CDH13: variants seen among roughly 807,000 people sequenced by gnomAD.
CDH13 encodes the protein cadherin 13, also known as cadherin-13.
Under a neutral mutation model 63.8 loss-of-function variants are expected in CDH13, and 24 were observed. The ratio of observed to expected loss-of-function variants is 0.38; its 90% CI spans 0.27 to 0.53. The LOEUF (loss-of-function observed/expected upper bound fraction) is 0.53, where lower values mean the gene tolerates loss of function less well. CDH13 is among the 20% of genes least tolerant of loss of function. The pLI is 0.85. For synonymous variants in CDH13, 503 were observed against 355.3 expected (o/e 1.42, Z -4.67); for missense variants, 1,049 against 903.1 (o/e 1.16, Z -2.07).
intron 6 of CDH13, among the ~76,000 whole-genome samples, chr16:83,443,932 TA>T (rs58663882): frequency 0.049 from 6,386 of 129,630 alleles, 453 homozygotes; most frequent in African/African-American, 0.15. Flanking sequence ...AAACCGTTTC[TA>T]AAAAAAAAAA....
In CDH13 at chr16:83,602,658, A is replaced by C. The variant is rs969855362; in HGVS notation, c.1101+64A>C. 3.9e-6 allele frequency: 6 copies of C among 1,529,988 alleles called. No homozygotes were observed. The African/African-American group carries it at 8.2e-5, about 21-fold the overall frequency. 94.8% of individuals were successfully genotyped at this position (1,529,988 alleles called of 1,614,324 possible). The stretch of plus-strand genomic sequence containing the variant: ...ACAGCTACAATTACTGATTGATGTT[A>C]ATTCACGTACCACAGCACCTGCTGG... On this transcript the variant is annotated intron_variant, in intron 8 of 13. Transcript: ENST00000567109.
At chr16:83,345,027 T>G in intron 6 of CDH13, 21 bp downstream of exon 6, 1 of 1,611,490 alleles carries the variant, frequency 6.2e-7, no homozygotes, top group Non-Finnish European at 8.5e-7. Flanking sequence ...TTGGCTTACC[T>G]TTAGCGTAAT....
chr16:82,935,706 C>T (rs1023893562), intron 2 of CDH13, among the ~76,000 whole-genome samples: 1 of 152,136 alleles, frequency 6.6e-6, no homozygotes, highest in African/African-American at 2.4e-5. Flanking sequence ...AGCTCCACCT[C>T]CTGTCAGATT....
chr16:83,401,778 T>G (rs1284998074), intron 6 of CDH13, among the ~76,000 whole-genome samples: 1 of 152,202 alleles, frequency 6.6e-6, no homozygotes, highest in African/African-American at 2.4e-5. Flanking sequence ...AACAAAGAAT[T>G]ATCTCATTTT....
chr16:83,385,409 A>G (rs1173095534), intron 6 of CDH13, among the ~76,000 whole-genome samples: 2 of 152,226 alleles, frequency 1.3e-5, no homozygotes, highest in African/African-American at 2.4e-5. Context: ...CAAGATTGCT[A>G]TAGGCAAGGT....
At chr16:83,014,599 C>T (rs1914500524) in intron 2 of CDH13, among the ~76,000 whole-genome samples, 1 of 150,224 alleles carries the variant, frequency 6.7e-6, no homozygotes, top group East Asian at 2.0e-4. Context: ...CGAGTGGTGG[C>T]CCATGCCTGT....
chr16:83,256,839 C>A (rs1906348400), intron 5 of CDH13, among the ~76,000 whole-genome samples: 2 of 76,992 alleles, frequency 2.6e-5, no homozygotes, highest in Non-Finnish European at 2.7e-5. Flanking sequence ...AGCGAGACTC[C>A]ATCTCAAAAA....
At chr16:83,000,574 C>CTTTTTTTTTTT (rs561787532) in intron 2 of CDH13, among the ~76,000 whole-genome samples, 6 of 127,726 alleles carry the variant, frequency 4.7e-5, no homozygotes, top group African/African-American at 9.0e-5. Flanking sequence ...TTTCTTTTCT[C>CTTTTTTTTTTT]TTTTTTTTTT....
intron 5 of CDH13, among the ~76,000 whole-genome samples, chr16:83,254,291 T>C (rs1003140373): frequency 3.3e-5 from 5 of 152,212 alleles, no homozygotes; most frequent in African/African-American, 1.2e-4. Context: ...CTTAGCATCA[T>C]GATCGTTCCT....
intron 1 of CDH13, among the ~76,000 whole-genome samples, chr16:82,811,910 C>T (rs1394410537): frequency 6.6e-6 from 1 of 151,992 alleles, no homozygotes; most frequent in Non-Finnish European, 1.5e-5. Flanking sequence ...TTGGTTAGGG[C>T]CTGTTGAGTT....
At chr16:82,867,454 A>G (rs892444341) in intron 2 of CDH13, among the ~76,000 whole-genome samples, 1 of 152,102 alleles carries the variant, frequency 6.6e-6, no homozygotes, top group African/African-American at 2.4e-5. Flanking sequence ...TCTATTCTGG[A>G]TGGACCCAGG....
At chr16:83,103,888 A>G (rs1441825550) in intron 3 of CDH13, among the ~76,000 whole-genome samples, 3 of 152,184 alleles carry the variant, frequency 2.0e-5, no homozygotes, top group Non-Finnish European at 4.4e-5. Context: ...AAAACAGTCA[A>G]AGAGTTCAGT....
chr16:82,747,640 G>T (rs561278388), intron 1 of CDH13, among the ~76,000 whole-genome samples: 1 of 152,160 alleles, frequency 6.6e-6, no homozygotes, highest in Admixed American at 6.5e-5. Flanking sequence ...AGAGTTTGAG[G>T]ACCACTGCTT....
At chr16:82,968,274 T>A (rs1908158621) in intron 2 of CDH13, among the ~76,000 whole-genome samples, 1 of 152,250 alleles carries the variant, frequency 6.6e-6, no homozygotes, top group Non-Finnish European at 1.5e-5. Flanking sequence ...CGTCAACTTT[T>A]ATTGCTTCAC....
At chr16:83,066,411 A>G (rs1174104324) in intron 3 of CDH13, among the ~76,000 whole-genome samples, 1 of 152,184 alleles carries the variant, frequency 6.6e-6, no homozygotes, top group Non-Finnish European at 1.5e-5. Context: ...TCCTAAACAA[A>G]AGGCAACGAG....
intron 4 of CDH13, among the ~76,000 whole-genome samples, chr16:83,129,287 A>G (rs1374925426): frequency 2.0e-5 from 3 of 152,194 alleles, no homozygotes; most frequent in Admixed American, 1.3e-4. Flanking sequence ...TACGTATTAG[A>G]CTTCGATATA....
chr16:82,848,777 C>CT (rs1290261263), intron 1 of CDH13, among the ~76,000 whole-genome samples: 2 of 152,132 alleles, frequency 1.3e-5, no homozygotes, highest in Middle Eastern at 6.3e-3. Context: ...TTCTTTGCCT[C>CT]TAAGTGTTCA....
Position 82,638,656 on chromosome 16 carries a change from A to G in CDH13, c.45+11519A>G, listed in dbSNP as rs182411871. The stretch of plus-strand genomic sequence containing the variant: ...ATAATGCGTGGACATTAAAAAAAAT[A>G]AAGTTTGCTCCCCAGGGAGGATTTG... On this transcript the variant is annotated intron_variant, in intron 1 of 13. Transcript: ENST00000567109. Among the ~76,000 whole-genome samples, 957 of 152,120 alleles carry G rather than the reference A, an allele frequency of 6.3e-3. 8 individuals are homozygous for G. The highest frequency in any genetic ancestry group is 0.021 in the African/African-American group (877 of 41,486).
At chr16:83,464,264 G>A (rs2073253183) in intron 6 of CDH13, among the ~76,000 whole-genome samples, 1 of 152,086 alleles carries the variant, frequency 6.6e-6, no homozygotes, top group Non-Finnish European at 1.5e-5. Flanking sequence ...TGTAATCCCA[G>A]CACTTTGGGA....
Sources: gnomAD v4.1 joint callset for allele counts (sites outside exome capture counted in the v4.1 genomes callset) on GRCh38, gnomAD v4.1.1 for gene constraint, MANE v1.5 for transcripts, NCBI Gene and HGNC (gene_info 2026-07-23, HGNC 2026-07-21) for gene names.